JARID2: variants seen among roughly 807,000 people sequenced by gnomAD.
JARID2 encodes protein Jumonji.
In JARID2, 21 loss-of-function variants were observed where a neutral mutation model predicts 125.6. The ratio of observed to expected loss-of-function variants is 0.17; its 90% CI spans 0.12 to 0.24. The LOEUF (loss-of-function observed/expected upper bound fraction) is 0.24, where lower values mean the gene tolerates loss of function less well. Among genes scored for constraint, JARID2 ranks in the 10% least tolerant of loss-of-function variants. The pLI, the probability that JARID2 is intolerant of heterozygous loss-of-function variation, is 1.00. For missense variants in JARID2, 1,303 were observed against 1,639.6 expected (o/e 0.79, Z 3.55); for synonymous variants, 736 against 661.6 (o/e 1.11, Z -1.73).
intron 1 of JARID2, among the ~76,000 whole-genome samples, chr6:15,313,126 C>G (rs973915497): frequency 6.6e-6 from 1 of 152,118 alleles, no homozygotes; most frequent in Non-Finnish European, 1.5e-5. Context: ...GCCGTCGGAG[C>G]TTTTTTTACA....
intron 7 of JARID2, among the ~76,000 whole-genome samples, chr6:15,497,866 C>T (rs576820586): frequency 4.6e-5 from 7 of 152,082 alleles, no homozygotes; most frequent in Non-Finnish European, 7.4e-5. Context: ...TGGTTTCTCC[C>T]GAAACCAACA....
At chr6:15,504,363 G>A in intron 8 of JARID2, 137 bp from the exon 9 acceptor site, 2 of 651,290 alleles carry the variant, frequency 3.1e-6, no homozygotes, top group Non-Finnish European at 5.6e-6. Context: ...TTCTCTGCCT[G>A]TCATTAACTC....
chr6:15,485,683 G>A (rs1769832491), intron 5 of JARID2, among the ~76,000 whole-genome samples: 1 of 152,192 alleles, frequency 6.6e-6, no homozygotes, highest in East Asian at 1.9e-4. Context: ...GGAAGGGTAG[G>A]TTAAGCACGA....
chr6:15,505,022 G>A (rs1770929680), intron 9 of JARID2: 1 of 163,404 alleles, frequency 6.1e-6, no homozygotes, highest in East Asian at 1.7e-4. Context: ...CCATTTTTGT[G>A]CTTCTGCCAA....
At chr6:15,489,089 A>G in intron 6 of JARID2, among the ~76,000 whole-genome samples, 1 of 152,222 alleles carries the variant, frequency 6.6e-6, no homozygotes, top group African/African-American at 2.4e-5. Flanking sequence ...ATGAAAGAGA[A>G]CAGAATTAGA....
intron 4 of JARID2, among the ~76,000 whole-genome samples, chr6:15,453,282 C>G (rs1038188057): frequency 3.3e-5 from 5 of 152,230 alleles, no homozygotes; most frequent in Non-Finnish European, 7.3e-5. Flanking sequence ...TCTGCTTAAT[C>G]TGGAAGAGTT....
chr6:15,350,427 C>G (rs1763383021), intron 1 of JARID2, among the ~76,000 whole-genome samples: 1 of 152,216 alleles, frequency 6.6e-6, no homozygotes, highest in Non-Finnish European at 1.5e-5. Context: ...TGCATCTAAT[C>G]AGGTGTTCGT....
At chr6:15,503,753 T>C (rs1223309378) in intron 8 of JARID2, among the ~76,000 whole-genome samples, 1 of 152,108 alleles carries the variant, frequency 6.6e-6, no homozygotes, top group Non-Finnish European at 1.5e-5. Flanking sequence ...AAGAAAGAAA[T>C]AGCAAGGGTC....
intron 2 of JARID2, among the ~76,000 whole-genome samples, chr6:15,409,940 A>G (rs545443662): frequency 9.1e-4 from 138 of 152,200 alleles, no homozygotes; most frequent in African/African-American, 3.0e-3. Context: ...ATGTTTATGT[A>G]CTCTTTAAAA....
intron 6 of JARID2, among the ~76,000 whole-genome samples, chr6:15,494,908 T>A (rs1353136920): frequency 1.3e-5 from 2 of 152,060 alleles, no homozygotes; most frequent in Non-Finnish European, 2.9e-5. Flanking sequence ...AAGTGCAGGC[T>A]CCCCCGACCC....
At chr6:15,358,258 T>A (rs1485354479) in intron 1 of JARID2, among the ~76,000 whole-genome samples, 1 of 152,230 alleles carries the variant, frequency 6.6e-6, no homozygotes, top group Non-Finnish European at 1.5e-5. Context: ...AACTTTAATG[T>A]TAGTAGGAAG....
In JARID2 at chr6:15,468,711, C is replaced by G; in HGVS notation, c.663C>G (p.Asn221Lys). 1 of 1,610,758 alleles carries G rather than the reference C, an allele frequency of 6.2e-7. No individual in the cohort carries two copies. The change falls in exon 5 of 18, where the codon AAC (asparagine) becomes AAG (lysine). Residue 221 changes from asparagine (N) to lysine (K), a missense_variant. By Grantham distance (94) the Asn-to-Lys change is moderately conservative (BLOSUM62 0). This residue lies in a region of JARID2 where 651 missense variants were observed against 581.6 expected (regional missense o/e 1.12). Coordinates refer to ENST00000341776, the MANE Select transcript of JARID2 (RefSeq NM_004973.4). ...RKGKTHKHVH[N>K]GHVFNGSSRS... ...GAAAAACCCACAAACATGTTCACAA[C>G]GGGCATGGTAGGTCCACCGTTGAAC...
intron 2 of JARID2, among the ~76,000 whole-genome samples, chr6:15,382,855 C>T (rs778833177): frequency 7.9e-5 from 12 of 152,232 alleles, no homozygotes; most frequent in Non-Finnish European, 1.6e-4. Context: ...CTCTCTTTCT[C>T]TCTGCCCGCC....
chr6:15,484,493 T>C (rs140886358), intron 5 of JARID2, among the ~76,000 whole-genome samples: 2 of 150,882 alleles, frequency 1.3e-5, no homozygotes, highest in African/African-American at 2.5e-5. Context: ...TTGCCCACAA[T>C]CTGATTGTGC....
intron 1 of JARID2, among the ~76,000 whole-genome samples, chr6:15,288,541 TG>T (rs1279580265): frequency 6.6e-6 from 1 of 152,236 alleles, no homozygotes; most frequent in Non-Finnish European, 1.5e-5. Flanking sequence ...CTTGTTTGTC[TG>T]AATCTTTGCA....
intron 1 of JARID2, among the ~76,000 whole-genome samples, chr6:15,293,073 G>C (rs1761285320): frequency 6.6e-6 from 1 of 152,232 alleles, no homozygotes; most frequent in South Asian, 2.1e-4. Context: ...ACCAGTGCCT[G>C]CTTGGGAAGT....
chr6:15,476,393 C>T (rs1769343134), intron 5 of JARID2, among the ~76,000 whole-genome samples: 1 of 152,210 alleles, frequency 6.6e-6, no homozygotes, highest in Non-Finnish European at 1.5e-5. Context: ...CACACACCAT[C>T]CACAGTGTCC....
intron 3 of JARID2, among the ~76,000 whole-genome samples, chr6:15,448,802 T>C (rs1251035287): frequency 6.6e-6 from 1 of 151,818 alleles, no homozygotes; most frequent in African/African-American, 2.4e-5. Flanking sequence ...GCTCGAGACC[T>C]GGCCATCACC....
chr6:15,472,015 AT>A (rs943278348), intron 5 of JARID2, among the ~76,000 whole-genome samples: 3 of 151,832 alleles, frequency 2.0e-5, no homozygotes, highest in African/African-American at 4.8e-5. Flanking sequence ...TTATTTAAAA[AT>A]TTTTTTAATT....
Sources: gnomAD v4.1 joint callset for allele counts (sites outside exome capture counted in the v4.1 genomes callset) on GRCh38, gnomAD v4.1.1 for gene constraint, gnomAD v4.1.1 regional missense constraint, MANE v1.5 for transcripts, NCBI Gene and HGNC (gene_info 2026-07-23, HGNC 2026-07-21) for gene names.